KLF15: variants seen among roughly 807,000 people sequenced by gnomAD.
The protein encoded by KLF15 is KLF transcription factor 15, also known as Krueppel-like factor 15.
KLF15 carries 4 observed loss-of-function variants against 24.6 expected under a neutral mutation model. The ratio of observed to expected loss-of-function variants is 0.16; its 90% CI spans 0.08 to 0.37. The LOEUF (loss-of-function observed/expected upper bound fraction) is 0.37. Ranked by LOEUF, KLF15 falls within the 10% of genes least tolerant of loss-of-function variation. KLF15 has a pLI of 1.00. For missense variants in KLF15, 496 were observed against 560.6 expected, an observed-to-expected ratio of 0.88 and a Z score of 1.16; for synonymous variants, 246 against 236.3, an observed-to-expected ratio of 1.04 and a Z score of -0.37.
At chr3:126,310,534 A>AG in the KLF15 span, among the ~76,000 whole-genome samples, 142 of 152,172 alleles carry the variant, frequency 9.3e-4, 1 homozygote, top group East Asian at 4.9e-3. Context: ...AAATCAGAGA[A>AG]GGGGGGGTGG....
At chr3:126,309,130 G>A in the KLF15 span, among the ~76,000 whole-genome samples, 6 of 152,240 alleles carry the variant, frequency 3.9e-5, no homozygotes, top group African/African-American at 7.2e-5. Flanking sequence ...ACACCGTGAC[G>A]TCAGGAGTCA....
chr3:126,321,240 C>T, the KLF15 span, among the ~76,000 whole-genome samples: 2 of 152,204 alleles, frequency 1.3e-5, no homozygotes, highest in African/African-American at 4.8e-5. Flanking sequence ...CAGCAAGGGG[C>T]CAGGGCCACA....
the KLF15 span, among the ~76,000 whole-genome samples, chr3:126,311,242 C>G: frequency 6.6e-6 from 1 of 152,236 alleles, no homozygotes; most frequent in East Asian, 1.9e-4. Flanking sequence ...TCCCCAAACT[C>G]CAGAAGCTAA....
chr3:126,337,549 A>G, the KLF15 span, among the ~76,000 whole-genome samples: 1 of 136,766 alleles, frequency 7.3e-6, no homozygotes, highest in Non-Finnish European at 1.5e-5. Context: ...CACAATGTGC[A>G]CATGTACCCT....
chr3:126,307,148 A>T, the KLF15 span, among the ~76,000 whole-genome samples: 14 of 152,196 alleles, frequency 9.2e-5, no homozygotes, highest in African/African-American at 3.4e-4. Flanking sequence ...CACCCCAAGC[A>T]GTACCCGTCA....
chr3:126,301,828 T>C, the KLF15 span, among the ~76,000 whole-genome samples: 1 of 152,016 alleles, frequency 6.6e-6, no homozygotes, highest in Admixed American at 6.6e-5. Context: ...TTGACCAGGC[T>C]GGTGTTGAAC....
chr3:126,320,038 T>G, the KLF15 span, among the ~76,000 whole-genome samples: 2 of 152,136 alleles, frequency 1.3e-5, no homozygotes, highest in South Asian at 4.1e-4. Context: ...GGGATCAGTG[T>G]AGACCAGGCT....
the KLF15 span, among the ~76,000 whole-genome samples, chr3:126,295,997 C>T: frequency 6.6e-6 from 1 of 152,226 alleles, no homozygotes; most frequent in African/African-American, 2.4e-5. Flanking sequence ...TGATGCTGAT[C>T]TCTCTTCCCC....
chr3:126,307,938 C>A, the KLF15 span, among the ~76,000 whole-genome samples: 23 of 152,246 alleles, frequency 1.5e-4, no homozygotes, highest in South Asian at 4.4e-3. Context: ...TCCGTGTCTC[C>A]AGCCATGGGG....
Position 126,343,496 on chromosome 3 carries a change from C to T in KLF15, c.*231G>A, listed in dbSNP as rs111335847. 6 of 485,784 alleles carry T rather than the reference C, an allele frequency of 1.2e-5. No homozygotes were observed. Among genetic ancestry groups the T allele is most frequent in the African/African-American group, 6.5e-5 (3 of 45,988 alleles). 30.1% of individuals were successfully genotyped at this position (485,784 alleles called of 1,614,324 possible). On this transcript the variant is annotated 3_prime_UTR_variant, in exon 3 of 3. Coordinates refer to ENST00000296233, the MANE Select transcript of KLF15 (RefSeq NM_014079.4). Reference sequence around the variant, plus strand: ...AAGGCACGAAGGCACGAAGGCCTGCCTCCAGCCCCGTGCGCCTGGGGCCCA... The same window carrying T: ...AAGGCACGAAGGCACGAAGGCCTGCTTCCAGCCCCGTGCGCCTGGGGCCCA...
At chr3:126,288,718 G>A in the KLF15 span, 2 of 152,292 alleles carry the variant, frequency 1.3e-5, no homozygotes, top group Non-Finnish European at 2.9e-5. Context: ...GTCAGGGCTG[G>A]ACGCCTCCAG....
At chr3:126,349,977 G>A (rs984416509) in intron 2 of KLF15, among the ~76,000 whole-genome samples, 2 of 152,212 alleles carry the variant, frequency 1.3e-5, no homozygotes, top group African/African-American at 2.4e-5. Flanking sequence ...ACAACAAGGA[G>A]GCCGCTGTGG....
At chr3:126,342,626 G>T (rs747178842), downstream of KLF15, 2 of 152,564 alleles carry the variant, frequency 1.3e-5, no homozygotes, top group African/African-American at 4.8e-5. Context: ...GCACATGAAT[G>T]CCAAAAGCTG....
chr3:126,330,250 G>A, the KLF15 span, among the ~76,000 whole-genome samples: 1 of 152,172 alleles, frequency 6.6e-6, no homozygotes, highest in Non-Finnish European at 1.5e-5. Context: ...CAGGTCAGCA[G>A]ACTCCCAGCC....
the KLF15 span, among the ~76,000 whole-genome samples, chr3:126,327,654 C>T: frequency 6.6e-6 from 1 of 152,178 alleles, no homozygotes. Flanking sequence ...GTCAAGGATG[C>T]TGACACCTGC....
the KLF15 span, among the ~76,000 whole-genome samples, chr3:126,295,649 T>C: frequency 6.6e-6 from 1 of 152,216 alleles, no homozygotes; most frequent in African/African-American, 2.4e-5. Flanking sequence ...TGTCTGTCCC[T>C]TGACAAAGAT....
At chr3:126,305,693 G>A in the KLF15 span, among the ~76,000 whole-genome samples, 1 of 152,224 alleles carries the variant, frequency 6.6e-6, no homozygotes, top group Non-Finnish European at 1.5e-5. Flanking sequence ...AGGAAGGCAA[G>A]AGTGGAAGTT....
Position 126,343,101 on chromosome 3 carries a change from G to T in KLF15, c.*626C>A, listed in dbSNP as rs1394897984. ...GCACATGCACTGCCAGCCCCCTAGT[G>T]GGGGACGCTTTTCACCTCTCTCCCA... On this transcript the variant is annotated 3_prime_UTR_variant, in exon 3 of 3. Transcript: ENST00000296233. 8.4e-6 allele frequency: 1 copy of T among 119,152 alleles called. No homozygotes were observed. The highest frequency in any genetic ancestry group is 3.3e-5 in the African/African-American group (1 of 30,736). The allele number at this position is 119,152 out of a possible 1,614,324, so 7.4% of individuals were successfully genotyped here.
chr3:126,339,133 G>C (rs964653184), downstream of KLF15, among the ~76,000 whole-genome samples: 1 of 152,150 alleles, frequency 6.6e-6, no homozygotes, highest in Non-Finnish European at 1.5e-5. Flanking sequence ...GCTCCTTTGG[G>C]GTCCTTGGTG....
Sources: gnomAD v4.1 joint callset for allele counts (sites outside exome capture counted in the v4.1 genomes callset) on GRCh38, gnomAD v4.1.1 for gene constraint, MANE v1.5 for transcripts, NCBI Gene and HGNC (gene_info 2026-07-23, HGNC 2026-07-21) for gene names.